Variants in PDE4B observed in about 807,000 individuals in gnomAD.
The protein encoded by PDE4B is phosphodiesterase 4B, also known as 3',5'-cyclic-AMP phosphodiesterase 4B.
In PDE4B, 20 loss-of-function variants were observed where a neutral mutation model predicts 82.2. That is an observed-to-expected ratio of 0.24 (90% CI 0.17 to 0.35). The LOEUF (loss-of-function observed/expected upper bound fraction) is 0.35. PDE4B is among the 10% of genes least tolerant of loss of function. The pLI, the probability that PDE4B is intolerant of heterozygous loss-of-function variation, is 1.00. For missense variants in PDE4B, 655 were observed against 907.2 expected, an observed-to-expected ratio of 0.72 and a Z score of 3.57; for synonymous variants, 320 against 318.9, an observed-to-expected ratio of 1.00 and a Z score of -0.04.
intron 7 of PDE4B, among the ~76,000 whole-genome samples, chr1:66,319,606 T>C (rs781475397): frequency 6.6e-6 from 1 of 152,326 alleles, no homozygotes; most frequent in African/African-American, 2.4e-5. Context: ...AAAGCCTAGA[T>C]TCAAGTTTCC....
intron 3 of PDE4B, among the ~76,000 whole-genome samples, chr1:66,108,977 A>G (rs1645428235): frequency 2.0e-5 from 3 of 152,086 alleles, no homozygotes; most frequent in Non-Finnish European, 2.9e-5. Context: ...CCCTCATTCC[A>G]TTATATGCAT....
At chr1:65,880,442 G>A (rs1426655521) in intron 1 of PDE4B, among the ~76,000 whole-genome samples, 1 of 152,174 alleles carries the variant, frequency 6.6e-6, no homozygotes, top group Non-Finnish European at 1.5e-5. Flanking sequence ...CTGAATGTGG[G>A]TGTCCCCACA....
intron 1 of PDE4B, among the ~76,000 whole-genome samples, chr1:65,844,115 A>G (rs2101357255): frequency 1.3e-5 from 2 of 152,274 alleles, no homozygotes; most frequent in South Asian, 4.1e-4. Context: ...TAATCATAAT[A>G]TTTGGTACAT....
At chr1:66,064,473 C>T (rs1368154368) in intron 3 of PDE4B, among the ~76,000 whole-genome samples, 1 of 151,880 alleles carries the variant, frequency 6.6e-6, no homozygotes, top group Non-Finnish European at 1.5e-5. Flanking sequence ...AGGAGGCAGT[C>T]CAGAGATAGA....
intron 3 of PDE4B, among the ~76,000 whole-genome samples, chr1:66,073,874 C>T (rs906568517): frequency 6.6e-6 from 1 of 151,792 alleles, no homozygotes; most frequent in African/African-American, 2.4e-5. Flanking sequence ...GTATGAAAAC[C>T]ATATCATAGA....
intron 3 of PDE4B, among the ~76,000 whole-genome samples, chr1:66,218,936 A>G (rs879594808): frequency 6.6e-6 from 1 of 152,120 alleles, no homozygotes; most frequent in Non-Finnish European, 1.5e-5. Context: ...TTGTTTATAG[A>G]AAAAAATCAT....
chr1:65,989,006 G>T (rs1284044481), intron 3 of PDE4B, among the ~76,000 whole-genome samples: 3 of 151,826 alleles, frequency 2.0e-5, no homozygotes, highest in African/African-American at 7.3e-5. Context: ...TAATATTTTT[G>T]GCTGTAATTA....
intron 1 of PDE4B, among the ~76,000 whole-genome samples, chr1:65,894,819 C>T (rs1646891547): frequency 6.6e-6 from 1 of 152,128 alleles, no homozygotes; most frequent in Admixed American, 6.6e-5. Flanking sequence ...TAGTGAGATA[C>T]TACTATACTC....
chr1:66,041,432 T>C (rs1433525665), intron 3 of PDE4B, among the ~76,000 whole-genome samples: 2 of 151,956 alleles, frequency 1.3e-5, no homozygotes, highest in African/African-American at 4.8e-5. Flanking sequence ...TTTTCGTCAT[T>C]ACAACTTCTT....
intron 1 of PDE4B, among the ~76,000 whole-genome samples, chr1:65,833,138 T>C (rs1483147115): frequency 6.6e-6 from 1 of 152,226 alleles, no homozygotes; most frequent in South Asian, 2.1e-4. Flanking sequence ...CCCATCTTCA[T>C]TGATACAAAG....
intron 3 of PDE4B, among the ~76,000 whole-genome samples, chr1:66,137,520 A>G (rs996271254): frequency 2.0e-5 from 3 of 152,206 alleles, no homozygotes; most frequent in Non-Finnish European, 4.4e-5. Context: ...TTTAGAAATT[A>G]TAAAGACTGA....
intron 1 of PDE4B, among the ~76,000 whole-genome samples, chr1:65,838,939 CT>C (rs1646175567): frequency 6.6e-6 from 1 of 151,994 alleles, no homozygotes; most frequent in Admixed American, 6.6e-5. Flanking sequence ...TACCTTGAAG[CT>C]AGTAAGTGTT....
At chr1:65,876,580 C>T (rs1646646450) in intron 1 of PDE4B, among the ~76,000 whole-genome samples, 1 of 151,944 alleles carries the variant, frequency 6.6e-6, no homozygotes, top group Non-Finnish European at 1.5e-5. Context: ...TCGGAGTTCT[C>T]ATTAGTAAAT....
chr1:66,209,294 C>T lies in PDE4B; in HGVS notation c.282-38166C>T, dbSNP rs1649825281. Among the ~76,000 whole-genome samples, 2 of 152,162 alleles carry T rather than the reference C, an allele frequency of 1.3e-5. 1 individual carries two copies. The highest frequency in any genetic ancestry group is 4.1e-4 in the South Asian group (2 of 4,828). On this transcript the variant is annotated intron_variant, in intron 3 of 16. Coordinates refer to ENST00000341517, the MANE Select transcript of PDE4B (RefSeq NM_002600.4). ...TTATTTGTTGAGTTTCTGCTACATG[C>T]TTGGAAGTTTCATGTGTTATCTCCT...
At chr1:66,032,492 C>T (rs180712586) in intron 3 of PDE4B, among the ~76,000 whole-genome samples, 1 of 152,146 alleles carries the variant, frequency 6.6e-6, no homozygotes, top group East Asian at 1.9e-4. Context: ...GGTGAAAATC[C>T]CTAGGATAAT....
intron 3 of PDE4B, among the ~76,000 whole-genome samples, chr1:66,158,878 A>G (rs758670528): frequency 2.6e-5 from 4 of 152,274 alleles, no homozygotes; most frequent in Non-Finnish European, 5.9e-5. Flanking sequence ...TCATTTGTGG[A>G]ATCTAAAAAA....
intron 3 of PDE4B, among the ~76,000 whole-genome samples, chr1:66,076,875 T>C (rs1656463297): frequency 6.6e-6 from 1 of 152,166 alleles, no homozygotes; most frequent in Non-Finnish European, 1.5e-5. Context: ...TTTTCGCATG[T>C]TAATTTGTTT....
At chr1:65,984,368 T>C (rs35528758) in intron 3 of PDE4B, among the ~76,000 whole-genome samples, 42,980 of 152,084 alleles carry the variant, frequency 0.28, 6,250 homozygotes, top group East Asian at 0.45. Context: ...GAAAGTTTTC[T>C]GAGGGTGACA....
chr1:65,999,212 A>T (rs1228816467), intron 3 of PDE4B, among the ~76,000 whole-genome samples: 1 of 152,042 alleles, frequency 6.6e-6, no homozygotes, highest in East Asian at 1.9e-4. Context: ...CTGTTTTGTT[A>T]TCTCTCAGTT....
Sources: gnomAD v4.1 joint callset for allele counts (sites outside exome capture counted in the v4.1 genomes callset) on GRCh38, gnomAD v4.1.1 for gene constraint, MANE v1.5 for transcripts, NCBI Gene and HGNC (gene_info 2026-07-23, HGNC 2026-07-21) for gene names.